The following GRID2 variants were observed in gnomAD, a reference collection of about 807,000 sequenced individuals.
The protein encoded by GRID2 is glutamate receptor ionotropic, delta-2.
A neutral mutation model predicts 114.8 loss-of-function variants in GRID2; 33 were observed. That is an observed-to-expected ratio of 0.29 (90% CI 0.22 to 0.38). The LOEUF (loss-of-function observed/expected upper bound fraction) is 0.38, where lower values mean the gene tolerates loss of function less well. GRID2 is among the 10% of genes least tolerant of loss of function. GRID2 has a pLI of 1.00. For missense variants in GRID2, 1,184 were observed against 1,257.7 expected, an observed-to-expected ratio of 0.94 and a Z score of 0.89; for synonymous variants, 505 against 449.9, an observed-to-expected ratio of 1.12 and a Z score of -1.55.
intron 14 of GRID2, among the ~76,000 whole-genome samples, chr4:93,660,062 A>T (rs573077694): frequency 1.8e-3 from 278 of 152,088 alleles, no homozygotes; most frequent in African/African-American, 6.5e-3. Flanking sequence ...TAAAAAAAAA[A>T]TTTTTATAGA....
chr4:93,409,734 A>AAG (rs1766920536), intron 9 of GRID2, among the ~76,000 whole-genome samples: 2 of 152,192 alleles, frequency 1.3e-5, no homozygotes, highest in Admixed American at 1.3e-4. Flanking sequence ...GAGGCAGTCT[A>AAG]AATTAATGGT....
intron 13 of GRID2, among the ~76,000 whole-genome samples, chr4:93,575,641 T>A (rs1382274554): frequency 2.6e-5 from 4 of 152,126 alleles, no homozygotes; most frequent in Non-Finnish European, 4.4e-5. Context: ...GTTAATAATA[T>A]GAGAAAAGAA....
intron 3 of GRID2, among the ~76,000 whole-genome samples, chr4:93,101,570 T>G (rs1002106515): frequency 6.6e-6 from 1 of 152,076 alleles, no homozygotes; most frequent in African/African-American, 2.4e-5. Context: ...AAGCCTTTTT[T>G]GGGGTCAGTT....
intron 2 of GRID2, among the ~76,000 whole-genome samples, chr4:93,061,855 G>A (rs1278296792): frequency 6.6e-6 from 1 of 152,086 alleles, no homozygotes; most frequent in African/African-American, 2.4e-5. Context: ...CTACCTGACA[G>A]CTTCTATTCT....
intron 3 of GRID2, among the ~76,000 whole-genome samples, chr4:93,109,928 ACTTTT>A (rs929045395): frequency 2.0e-5 from 3 of 152,116 alleles, no homozygotes; most frequent in African/African-American, 4.8e-5. Flanking sequence ...ATTGAATTTT[ACTTTT>A]CTTATTTAAG....
At chr4:93,560,873 T>G (rs888109682) in intron 13 of GRID2, among the ~76,000 whole-genome samples, 1 of 152,122 alleles carries the variant, frequency 6.6e-6, no homozygotes, top group Non-Finnish European at 1.5e-5. Context: ...TATTTTTAAT[T>G]TCAATGCTTT....
intron 1 of GRID2, among the ~76,000 whole-genome samples, chr4:92,361,216 G>C (rs1201734637): frequency 6.6e-6 from 1 of 151,936 alleles, no homozygotes; most frequent in Non-Finnish European, 1.5e-5. Flanking sequence ...TAAAAGATCT[G>C]ATATCAGAGC....
At chr4:93,615,605 A>G (rs1741543080) in intron 13 of GRID2, among the ~76,000 whole-genome samples, 1 of 151,470 alleles carries the variant, frequency 6.6e-6, no homozygotes, top group South Asian at 2.1e-4. Flanking sequence ...AATATGTACA[A>G]TTATTATGTG....
At chr4:92,990,198 CTGTGTGTGTGTGTGTGTGTGTG>C (rs3970985) in intron 2 of GRID2, among the ~76,000 whole-genome samples, 68 of 124,798 alleles carry the variant, frequency 5.4e-4, no homozygotes, top group East Asian at 5.3e-3. Flanking sequence ...TTAACATTTT[CTGTGTGTGTGTGTGTGTGTGTG>C]TGTGTGTGTG....
At chr4:93,126,011 G>C (rs1237705787) in intron 4 of GRID2, among the ~76,000 whole-genome samples, 2 of 152,284 alleles carry the variant, frequency 1.3e-5, no homozygotes, top group South Asian at 2.1e-4. Context: ...TAGGAATGTA[G>C]AATTGTGAGA....
intron 2 of GRID2, among the ~76,000 whole-genome samples, chr4:93,037,424 G>T (rs1172730105): frequency 6.6e-6 from 1 of 152,128 alleles, no homozygotes; most frequent in African/African-American, 2.4e-5. Context: ...CTTTTGCTGT[G>T]CAGAAGCTTT....
chr4:92,336,380 A>T (rs914141038), intron 1 of GRID2, among the ~76,000 whole-genome samples: 6 of 152,114 alleles, frequency 3.9e-5, no homozygotes, highest in Non-Finnish European at 7.4e-5. Flanking sequence ...CATGAGTCCC[A>T]TTGTTTCTGC....
intron 15 of GRID2, 56 bp from the exon 16 acceptor site, chr4:93,772,020 T>C: frequency 9.7e-7 from 1 of 1,035,386 alleles, no homozygotes; most frequent in South Asian, 1.5e-5. Flanking sequence ...TTTTTTTTTT[T>C]TAACCATCAA....
intron 10 of GRID2, among the ~76,000 whole-genome samples, chr4:93,449,404 T>C (rs1722469192): frequency 6.6e-6 from 1 of 152,102 alleles, no homozygotes; most frequent in Non-Finnish European, 1.5e-5. Flanking sequence ...AATTGTCATA[T>C]TCAAAATCAG....
chr4:92,630,647 A>G (rs1462883695), intron 2 of GRID2, among the ~76,000 whole-genome samples: 2 of 152,102 alleles, frequency 1.3e-5, no homozygotes, highest in East Asian at 1.9e-4. Context: ...TCTTTAGAGC[A>G]TGGCTTGTGT....
intron 9 of GRID2, among the ~76,000 whole-genome samples, chr4:93,413,641 T>C (rs1176257571): frequency 2.0e-5 from 3 of 152,310 alleles, no homozygotes; most frequent in African/African-American, 7.2e-5. Context: ...CCCAAAGGTA[T>C]GTTAAGAGAG....
chr4:93,486,684 C>T (rs1293368864), intron 11 of GRID2, among the ~76,000 whole-genome samples: 3 of 151,620 alleles, frequency 2.0e-5, no homozygotes, highest in South Asian at 2.1e-4. Context: ...CCAAACCAAT[C>T]TTGCTGTCCT....
rs968730414 is a variant in GRID2, at chr4:92,933,318, G to A, written c.245-151677G>A. On this transcript the variant is annotated intron_variant, in intron 2 of 15. Transcript: ENST00000282020. ...TATTAGGAGAAGTTTGTTATCTAAT[G>A]TACCTTGATCACTAATTTATATTAC... Among the ~76,000 whole-genome samples, 5 of 151,370 alleles carry A rather than the reference G, an allele frequency of 3.3e-5. No individual in the cohort carries two copies. The South Asian group carries it at 1.0e-3, about 31-fold the overall frequency.
chr4:92,627,846 T>C (rs1316106140), intron 2 of GRID2, among the ~76,000 whole-genome samples: 1 of 152,126 alleles, frequency 6.6e-6, no homozygotes, highest in Non-Finnish European at 1.5e-5. Flanking sequence ...TAAATCAAGC[T>C]CTGATTTGTA....
Sources: gnomAD v4.1 joint callset for allele counts (sites outside exome capture counted in the v4.1 genomes callset) on GRCh38, gnomAD v4.1.1 for gene constraint, MANE v1.5 for transcripts, NCBI Gene and HGNC (gene_info 2026-07-23, HGNC 2026-07-21) for gene names.